HIBCH: variants seen among roughly 807,000 people sequenced by gnomAD.
HIBCH encodes 3-hydroxyisobutyryl-CoA hydrolase, mitochondrial.
In HIBCH, 50 loss-of-function variants were observed where a neutral mutation model predicts 58.2. That is an observed-to-expected ratio of 0.86 (90% CI 0.68 to 1.09). The LOEUF is 1.09. Ranked by LOEUF, HIBCH falls within the 50% of genes least tolerant of loss-of-function variation. HIBCH has a pLI of 0.00. For missense variants in HIBCH, 450 were observed against 449.7 expected (o/e 1.00, Z -0.01); for synonymous variants, 151 against 146.9 (o/e 1.03, Z -0.20).
intron 7 of HIBCH, 34 bp from the exon 8 acceptor site, chr2:190,252,341 G>T: frequency 1.3e-6 from 2 of 1,577,548 alleles, no homozygotes; most frequent in South Asian, 1.1e-5. Flanking sequence ...AGATAATGGT[G>T]ATTCAAATGA....
chr2:190,262,649 A>G (rs566794120), intron 6 of HIBCH, among the ~76,000 whole-genome samples: 3 of 152,310 alleles, frequency 2.0e-5, no homozygotes, highest in African/African-American at 7.2e-5. Context: ...CAAATTCTCT[A>G]CAGAGGGCCC....
rs773406463 is a variant in HIBCH, at chr2:190,216,921, C to G, written c.892-3846G>C. Among the ~76,000 whole-genome samples, 5 of 152,188 alleles carry G rather than the reference C, an allele frequency of 3.3e-5. No homozygotes were observed. Among genetic ancestry groups the G allele is most frequent in the African/African-American group, 4.8e-5 (2 of 41,458 alleles). The stretch of plus-strand genomic sequence containing the variant: ...GAGACCCTTTGCAGTTGCTGGGTCA[C>G]CAGCAGGGGTGGTGTGGAATACAAA... On this transcript the variant is annotated intron_variant, in intron 11 of 13. Transcript: ENST00000359678. This position sits in a 1 kb window ranked among gnomAD's most constrained non-coding sequence, Gnocchi z 4.2.
chr2:190,208,814 T>C, intron 13 of HIBCH, 66 bp downstream of exon 13: 7 of 1,392,078 alleles, frequency 5.0e-6, no homozygotes, highest in Non-Finnish European at 7.1e-6. Flanking sequence ...TGTATCTTCT[T>C]TAATTAACAG....
At chr2:190,220,737 T>G (rs892707445) in intron 11 of HIBCH, among the ~76,000 whole-genome samples, 1 of 151,760 alleles carries the variant, frequency 6.6e-6, no homozygotes, top group African/African-American at 2.4e-5. Flanking sequence ...AATCACTAGT[T>G]TTCTTTAGCA....
chr2:190,198,061 C>G, intron 1 of HIBCH, among the ~76,000 whole-genome samples: 1 of 152,178 alleles, frequency 6.6e-6, no homozygotes, highest in Non-Finnish European at 1.5e-5. Flanking sequence ...ACAAGACAGA[C>G]ACCACACATA....
intron 11 of HIBCH, among the ~76,000 whole-genome samples, chr2:190,232,571 C>T (rs550459234): frequency 4.6e-4 from 70 of 152,332 alleles, no homozygotes; most frequent in African/African-American, 1.6e-3. Flanking sequence ...TTTCCCTTTG[C>T]TGATTCTGGT....
chr2:190,218,727 C>T (rs1685634459), intron 11 of HIBCH, among the ~76,000 whole-genome samples: 1 of 152,204 alleles, frequency 6.6e-6, no homozygotes, highest in Admixed American at 6.5e-5. Context: ...AATGGGATAC[C>T]AATCCCAGAG....
In HIBCH at chr2:190,212,969, C is replaced by A. The variant is rs1344936786; in HGVS notation, c.998G>T (p.Ser333Ile). 1.1e-5 allele frequency: 18 copies of A among 1,611,134 alleles called. No homozygotes were observed. The highest frequency in any genetic ancestry group is 1.4e-5 in the Non-Finnish European group (16 of 1,178,514). The change falls in exon 12 of 14, where the codon AGT becomes ATT. Residue 333 changes from serine to isoleucine, a missense_variant. Ser to Ile is a moderately radical substitution (Grantham distance 142). Coordinates refer to ENST00000359678, the MANE Select transcript of HIBCH (RefSeq NM_014362.4). ...TTAAATTCTTACCATACAAGCTTGA[C>A]TTAGCCGATACTCCATAGTTAGTAC... The part of the protein sequence containing the change: ...QEVLTMEYRL[S>I]QACMRGHDFH...
rs563995382 is a variant in HIBCH, at chr2:190,224,630, T to C, written c.892-11555A>G. 9.2e-4 allele frequency among the ~76,000 whole-genome samples: 140 copies of C among 152,274 alleles called. 3 individuals are homozygous for C. The Middle Eastern group carries it at 0.01, about 11-fold the overall frequency. The stretch of plus-strand genomic sequence containing the variant: ...CCCAATACAGGAGCACCCAGATTAA[T>C]AAAGCAAGTCCTTACAGACCTGCAA... On this transcript the variant is annotated intron_variant, in intron 11 of 13. Coordinates refer to ENST00000359678, the MANE Select transcript of HIBCH (RefSeq NM_014362.4).
intron 11 of HIBCH, among the ~76,000 whole-genome samples, chr2:190,221,016 C>T (rs949211860): frequency 6.6e-6 from 1 of 152,156 alleles, no homozygotes. Context: ...CTACCTTTTG[C>T]TATATTTCCT....
chr2:190,191,459 TTA>T lies in HIBCH; in HGVS notation c.*18-1464_*18-1463del, dbSNP rs1264337044. 2.0e-5 allele frequency among the ~76,000 whole-genome samples: 3 copies of T among 152,314 alleles called. No individual in the cohort carries two copies. The East Asian group carries it at 5.8e-4, about 29-fold the overall frequency. On this transcript the variant is annotated intron_variant, in intron 1 of 1. Coordinates refer to the HIBCH transcript ENST00000399855. ...CGTCCCCAGCCAGCATACAATTTTT[TTA>T]TGTGAACACAAATTTTCATGTATCT...
chr2:190,319,691 C>G, intron 1 of HIBCH, 25 bp downstream of exon 1: 1 of 1,592,780 alleles, frequency 6.3e-7, no homozygotes. Context: ...AGAGCCTGCC[C>G]TTGGCCCCTC....
At chr2:190,256,098 A>C (rs59876852) in intron 7 of HIBCH, among the ~76,000 whole-genome samples, 8,028 of 152,162 alleles carry the variant, frequency 0.053, 718 homozygotes, top group African/African-American at 0.18. Context: ...AGAACTCACT[A>C]TCATGAGAAC....
At chr2:190,220,032 G>A (rs1428212354) in intron 11 of HIBCH, among the ~76,000 whole-genome samples, 1 of 152,162 alleles carries the variant, frequency 6.6e-6, no homozygotes, top group Non-Finnish European at 1.5e-5. Context: ...ATTACGTACA[G>A]CACTTGTTTA....
rs763554002 is a variant in HIBCH, at chr2:190,296,902, C to G, written c.130G>C (p.Gly44Arg). The change falls in exon 3 of 14, where the codon GGT becomes CGT. Residue 44 changes from glycine (G) to arginine (R), a missense_variant. By Grantham distance (125) the Gly-to-Arg change is moderately radical. Transcript: ENST00000359678. ...AAEEVLLEKK[G>R]CTGVITLNRP... ...TTTAGTGTTATGACTCCCGTGCAAC[C>G]TTTTTTTTCCAATAGCACCTCTTCT... is the stretch of plus-strand genomic sequence containing the variant. The G allele has an allele frequency of 6.2e-7, 1 of 1,606,866 alleles. No homozygotes were observed. The highest frequency in any genetic ancestry group is 8.5e-7 in the Non-Finnish European group (1 of 1,173,830).
At chr2:190,193,912 A>G (rs909153960) in intron 1 of HIBCH, among the ~76,000 whole-genome samples, 1 of 152,140 alleles carries the variant, frequency 6.6e-6, no homozygotes, top group East Asian at 1.9e-4. Flanking sequence ...CTTTTCTATT[A>G]TAAGCATTTA....
chr2:190,250,921 A>G (rs1686745239), intron 8 of HIBCH, among the ~76,000 whole-genome samples: 1 of 152,218 alleles, frequency 6.6e-6, no homozygotes, highest in African/African-American at 2.4e-5. Context: ...TTTTACTTCA[A>G]TGGCCAAAGA....
chr2:190,266,401 A>G (rs1318814985), intron 6 of HIBCH, among the ~76,000 whole-genome samples: 3 of 152,104 alleles, frequency 2.0e-5, no homozygotes, highest in Non-Finnish European at 4.4e-5. Context: ...CCACTTTTAG[A>G]GCTTTCCACT....
intron 9 of HIBCH, 92 bp from the exon 10 acceptor site, chr2:190,246,304 T>A: frequency 1.4e-6 from 1 of 739,524 alleles, no homozygotes; most frequent in Non-Finnish European, 2.3e-6. Context: ...TGAAAGATTG[T>A]CACTTGTCAC....
Sources: allele counts gnomAD v4.1 joint callset (sites outside exome capture counted in the v4.1 genomes callset), GRCh38; gene constraint gnomAD v4.1.1; non-coding constraint Gnocchi (gnomAD v3.1); transcripts MANE v1.5; gene names NCBI Gene and HGNC (gene_info 2026-07-23, HGNC 2026-07-21).